Variants in MARF1 observed in about 807,000 individuals in gnomAD.
MARF1 encodes limkain-b1.
MARF1 carries 24 observed loss-of-function variants against 168.2 expected under a neutral mutation model. That is an observed-to-expected ratio of 0.14 (90% CI 0.10 to 0.20). MARF1 has a LOEUF of 0.20. Ranked by LOEUF, MARF1 falls within the 10% of genes least tolerant of loss-of-function variation. MARF1 has a pLI of 1.00. For synonymous variants in MARF1, 868 were observed against 822.4 expected (o/e 1.06, Z -0.95); for missense variants, 1,744 against 2,143.6 (o/e 0.81, Z 3.68).
intron 21 of MARF1, among the ~76,000 whole-genome samples, chr16:15,607,030 CT>C (rs372857477): frequency 2.6e-5 from 4 of 152,318 alleles, no homozygotes; most frequent in African/African-American, 2.4e-5. Flanking sequence ...AGCACCGACT[CT>C]TCCCACTGAG....
At chr16:15,598,591 T>C (rs915497605) in intron 26 of MARF1, among the ~76,000 whole-genome samples, 2 of 143,182 alleles carry the variant, frequency 1.4e-5, no homozygotes, top group Admixed American at 6.8e-5. Flanking sequence ...CACCCACCCC[T>C]GTGGACTCGC....
intron 15 of MARF1, chr16:15,616,641 TC>T (rs1201997920): frequency 1.2e-5 from 2 of 170,672 alleles, no homozygotes; most frequent in African/African-American, 4.8e-5. Context: ...GCTGGGTGAT[TC>T]TGTCACCTGA....
intron 7 of MARF1, among the ~76,000 whole-genome samples, chr16:15,627,903 A>C (rs1485500989): frequency 1.3e-5 from 2 of 152,176 alleles, no homozygotes; most frequent in Non-Finnish European, 2.9e-5. Context: ...GTAAATTAGT[A>C]CCACCTTCCT....
In MARF1 at chr16:15,604,230, G is replaced by T; in HGVS notation, c.4351C>A (p.Pro1451Thr). ...YESTHNTPLN[P>T]CEYGFMTLTE... ...AAGGTCATGAATCCATATTCACAGGGGTTAAGGGGAGTGTTGTGGGTACTT... is the reference window on the plus strand; with the variant it reads ...AAGGTCATGAATCCATATTCACAGGTGTTAAGGGGAGTGTTGTGGGTACTT... The change falls in exon 22 of 27, where the codon CCC becomes ACC. Residue 1451 changes from proline (P) to threonine (T), a missense_variant. Transcript: ENST00000396368. 2 of 1,614,214 alleles carry T rather than the reference G, an allele frequency of 1.2e-6. No homozygotes were observed. Among genetic ancestry groups the T allele is most frequent in the East Asian group, 2.2e-5 (1 of 44,882 alleles).
chr16:15,612,872 C>T, intron 16 of MARF1, 95 bp from the exon 17 acceptor site: 1 of 1,001,548 alleles, frequency 1.0e-6, no homozygotes, highest in Non-Finnish European at 1.5e-6. Flanking sequence ...TGAGTTCGAT[C>T]ATGGGGAAGC....
intron 7 of MARF1, among the ~76,000 whole-genome samples, chr16:15,626,961 G>GC (rs1555528250): frequency 5.2e-5 from 6 of 116,358 alleles, no homozygotes; most frequent in African/African-American, 2.0e-4. Flanking sequence ...GAGATTCTGT[G>GC]AAAAAAAAAA....
Position 15,596,842 on chromosome 16 carries a change from C to G in MARF1, c.5080G>C (p.Ala1694Pro), listed in dbSNP as rs2031754160. ...TSDSSSSCIS[A>P]AVPVPPCPSS... The stretch of plus-strand genomic sequence containing the variant: ...GGGCAGGGAGGCACGGGGACAGCTG[C>G]TGAGATGCAGGACGAGCTGGAGTCA... The change falls in exon 27 of 27, where the codon GCA becomes CCA. Residue 1694 changes from alanine (A) to proline (P), a missense_variant. Physicochemically the swap from Ala to Pro is conservative, Grantham distance 27. Transcript: ENST00000396368. 2 of 1,614,006 alleles carry G rather than the reference C, an allele frequency of 1.2e-6. No individual in the cohort carries two copies. The highest frequency in any genetic ancestry group is 2.7e-5 in the African/African-American group (2 of 74,900).
intron 3 of MARF1, 99 bp from the exon 4 acceptor site, chr16:15,635,030 C>A: frequency 4.1e-6 from 4 of 979,608 alleles, no homozygotes; most frequent in Non-Finnish European, 6.0e-6. Flanking sequence ...AAGTGTTTTA[C>A]CTTTCCACTT....
At position 15,625,364 on chromosome 16, in the gene MARF1, A is replaced by C. The variant is rs751118018; in HGVS notation, c.1953+8T>G. On this transcript the variant is annotated splice_region_variant and intron_variant, in intron 8 of 26. Transcript: ENST00000396368. ...TAAACTTCAGAAAGCAAGAGGTATC[A>C]AAATTACCTGTAAACTTTTAACATT... 6.3e-7 allele frequency: 1 copy of C among 1,592,642 alleles called. No individual in the cohort carries two copies. Among genetic ancestry groups the C allele is most frequent in the East Asian group, 2.2e-5 (1 of 44,662 alleles).
At chr16:15,608,597 C>CT (rs1176993320) in intron 20 of MARF1, 79 bp from the exon 21 acceptor site, 2 of 1,017,720 alleles carry the variant, frequency 2.0e-6, no homozygotes, top group South Asian at 2.9e-5. Context: ...AAGTATGCAG[C>CT]TAGTAATGAA....
chr16:15,614,138 C>G (rs2033831560), intron 16 of MARF1, among the ~76,000 whole-genome samples: 1 of 152,070 alleles, frequency 6.6e-6, no homozygotes, highest in Non-Finnish European at 1.5e-5. Flanking sequence ...GAAGGTAAAT[C>G]TGCATTAAGT....
intron 20 of MARF1, among the ~76,000 whole-genome samples, chr16:15,608,916 A>G (rs541501885): frequency 4.1e-4 from 63 of 152,358 alleles, no homozygotes; most frequent in African/African-American, 1.5e-3. Flanking sequence ...GAAGGATTTT[A>G]AAAGTATAAA....
intron 7 of MARF1, among the ~76,000 whole-genome samples, chr16:15,626,267 T>C (rs1400439962): frequency 6.6e-6 from 1 of 152,228 alleles, no homozygotes; most frequent in African/African-American, 2.4e-5. Context: ...GGATTAATTA[T>C]AAATTAGCAT....
intron 1 of MARF1, among the ~76,000 whole-genome samples, chr16:15,639,505 A>G (rs2151325829): frequency 6.6e-6 from 1 of 152,090 alleles, no homozygotes; most frequent in East Asian, 1.9e-4. Context: ...GGTTCAAGCG[A>G]TTTTTCTGCC....
intron 15 of MARF1, among the ~76,000 whole-genome samples, chr16:15,616,569 C>T (rs963228236): frequency 6.6e-6 from 1 of 152,156 alleles, no homozygotes. Flanking sequence ...GTGAATGGAT[C>T]CCATTTCAGA....
intron 17 of MARF1, 41 bp from the exon 18 acceptor site, chr16:15,611,775 C>A: frequency 6.4e-7 from 1 of 1,570,726 alleles, no homozygotes; most frequent in Non-Finnish European, 8.7e-7. Flanking sequence ...AAGACCTCAG[C>A]AGACAGCGAC....
intron 4 of MARF1, 146 bp from the exon 5 acceptor site, chr16:15,633,989 T>C (rs1456249401): frequency 3.0e-6 from 2 of 660,230 alleles, no homozygotes; most frequent in East Asian, 2.7e-5. Flanking sequence ...ACCTCACTGG[T>C]TGACCTAATA....
intron 26 of MARF1, among the ~76,000 whole-genome samples, chr16:15,597,731 T>C (rs1037009032): frequency 6.6e-6 from 1 of 152,164 alleles, no homozygotes; most frequent in East Asian, 1.9e-4. Flanking sequence ...AGTGTTTTAA[T>C]TATTTTCCTC....
intron 11 of MARF1, 85 bp downstream of exon 11, chr16:15,622,849 T>C (rs1237765426): frequency 1.8e-6 from 2 of 1,094,050 alleles, no homozygotes; most frequent in East Asian, 4.9e-5. Context: ...ATCCCGGCTG[T>C]GGTTATGTAT....
Sources: gnomAD v4.1 joint callset for allele counts (sites outside exome capture counted in the v4.1 genomes callset) on GRCh38, gnomAD v4.1.1 for gene constraint, MANE v1.5 for transcripts, NCBI Gene and HGNC (gene_info 2026-07-23, HGNC 2026-07-21) for gene names.